The following PVT1 variants were observed in gnomAD, a reference collection of about 807,000 sequenced individuals.
PVT1 encodes CXCR4/PVT1 fusion.
intron 4 of PVT1, among the ~76,000 whole-genome samples, chr8:128,052,800 T>A (rs913370183): frequency 5.3e-5 from 8 of 152,214 alleles, no homozygotes; most frequent in African/African-American, 1.9e-4. Context: ...ACCAAATTAT[T>A]TTATCCTCAT....
intron 3 of PVT1, among the ~76,000 whole-genome samples, chr8:127,971,969 C>T (rs1816768740): frequency 6.6e-6 from 1 of 152,228 alleles, no homozygotes; most frequent in Non-Finnish European, 1.5e-5. Flanking sequence ...GCAAGCCCCT[C>T]CTCTACTCAG....
intron 2 of PVT1, among the ~76,000 whole-genome samples, chr8:127,868,497 C>T (rs1473814510): frequency 6.6e-6 from 1 of 151,890 alleles, no homozygotes; most frequent in Non-Finnish European, 1.5e-5. Context: ...AAGCAATTTT[C>T]GTGCCTCGGC....
intron 4 of PVT1, among the ~76,000 whole-genome samples, chr8:128,055,038 TACA>T (rs1813747035): frequency 1.3e-5 from 2 of 152,168 alleles, no homozygotes; most frequent in Admixed American, 6.5e-5. Flanking sequence ...GGATTAAAAC[TACA>T]ACATCAAGGC....
At chr8:127,934,225 T>C (rs753422663) in intron 3 of PVT1, among the ~76,000 whole-genome samples, 9 of 152,340 alleles carry the variant, frequency 5.9e-5, no homozygotes, top group Middle Eastern at 3.4e-3. Flanking sequence ...TGCAGTTCTT[T>C]TTGGGGGAAG....
chr8:127,832,953 C>CA (rs1035785067), intron 2 of PVT1, among the ~76,000 whole-genome samples: 17 of 152,110 alleles, frequency 1.1e-4, no homozygotes, highest in Admixed American at 9.8e-4. Context: ...ATCTGATATT[C>CA]ATGGAGTTAT....
chr8:128,006,042 G>T (rs1192858682), intron 4 of PVT1, among the ~76,000 whole-genome samples: 1 of 151,372 alleles, frequency 6.6e-6, no homozygotes, highest in East Asian at 1.9e-4. Flanking sequence ...GGCAGAGGTT[G>T]CAGTGAGCTG....
intron 5 of PVT1, among the ~76,000 whole-genome samples, chr8:128,089,472 C>T (rs1814321097): frequency 6.6e-6 from 1 of 152,100 alleles, no homozygotes; most frequent in South Asian, 2.1e-4. Flanking sequence ...CTGTCATGAC[C>T]ATCACCCCCA....
chr8:127,821,143 A>G (rs1814723476), intron 2 of PVT1, among the ~76,000 whole-genome samples: 1 of 152,190 alleles, frequency 6.6e-6, no homozygotes, highest in South Asian at 2.1e-4. Flanking sequence ...ACTCAATCTG[A>G]TGGTGAAAGA....
intron 4 of PVT1, among the ~76,000 whole-genome samples, chr8:128,037,103 T>G (rs1563671972): frequency 6.6e-6 from 1 of 151,598 alleles, no homozygotes; most frequent in African/African-American, 2.4e-5. Context: ...AGATGGAAGC[T>G]CCCCCAGGCA....
At chr8:127,803,600 A>T (rs1013761214) in intron 2 of PVT1, 1 of 152,272 alleles carries the variant, frequency 6.6e-6, no homozygotes, top group African/African-American at 2.4e-5. Flanking sequence ...TGGAAGAAGG[A>T]AATATGGGCC....
chr8:127,975,389 TC>T (rs1816812799), intron 3 of PVT1, among the ~76,000 whole-genome samples: 2 of 152,224 alleles, frequency 1.3e-5, no homozygotes, highest in African/African-American at 4.8e-5. Flanking sequence ...TATTTTTTTA[TC>T]CTTAGTGAGG....
chr8:127,933,487 C>G (rs1406373229), intron 3 of PVT1, among the ~76,000 whole-genome samples: 1 of 152,164 alleles, frequency 6.6e-6, no homozygotes, highest in Non-Finnish European at 1.5e-5. Flanking sequence ...AGGCACAAAC[C>G]TGCGGGTATA....
At position 127,932,487 on chromosome 8, in the gene PVT1, G is replaced by A. The variant is rs544584582; in HGVS notation, n.782+41489G>A. The A allele has an allele frequency of 1.8e-5, 7 of 398,550 alleles. No individual in the cohort carries two copies. The Middle Eastern group carries it at 2.5e-3, about 143-fold the overall frequency. 24.7% of individuals were successfully genotyped at this position (398,550 alleles called of 1,614,324 possible). On this transcript the variant is annotated intron_variant and non_coding_transcript_variant, in intron 3 of 10. Transcript: ENST00000651587. The stretch of plus-strand genomic sequence containing the variant: ...CAGGACTTCGCAGGTGAGCAGTAAC[G>A]GAAATCAGCCCCGTTTATTCCTCCC...
At chr8:127,926,742 C>T (rs957161663) in intron 3 of PVT1, among the ~76,000 whole-genome samples, 13 of 152,202 alleles carry the variant, frequency 8.5e-5, no homozygotes, top group Admixed American at 3.3e-4. Flanking sequence ...AGACACTATC[C>T]GGCAACACGT....
Position 127,921,854 on chromosome 8 carries a change from GTTTTTTTTTTT to G in PVT1, n.782+30870_782+30880del, listed in dbSNP as rs71300279. Reference sequence around the variant, plus strand: ...AAAAAAATTATAATTTTTGGTTCATGTTTTTTTTTTTTTTTTTTTTTTTTGAGGCAGAGTCT... The same window carrying G: ...AAAAAAATTATAATTTTTGGTTCATGTTTTTTTTTTTTTGAGGCAGAGTCT... On this transcript the variant is annotated intron_variant and non_coding_transcript_variant, in intron 3 of 10. Transcript: ENST00000651587. 1.9e-3 allele frequency among the ~76,000 whole-genome samples: 136 copies of G among 71,940 alleles called. 2 individuals carry two copies. The highest frequency in any genetic ancestry group is 0.024 in the Middle Eastern group (1 of 42). The allele number at this position is 71,940 out of a possible 152,430, so 47.2% of individuals were successfully genotyped here.
intron 3 of PVT1, among the ~76,000 whole-genome samples, chr8:127,986,708 A>G (rs72720815): frequency 0.031 from 4,702 of 152,286 alleles, 115 homozygotes; most frequent in South Asian, 0.059. Context: ...AGGTGGGGCT[A>G]TGACCTTCTG....
At chr8:128,065,000 C>T (rs1041073158) in intron 4 of PVT1, among the ~76,000 whole-genome samples, 2 of 152,104 alleles carry the variant, frequency 1.3e-5, no homozygotes, top group Non-Finnish European at 2.9e-5. Flanking sequence ...TGGAAGGCCC[C>T]TTAGAAATGT....
intron 3 of PVT1, among the ~76,000 whole-genome samples, chr8:127,957,803 GCACA>G (rs201255631): frequency 6.6e-6 from 1 of 152,156 alleles, no homozygotes; most frequent in Non-Finnish European, 1.5e-5. Context: ...CCCTGAACAT[GCACA>G]CACACACAAG....
intron 4 of PVT1, among the ~76,000 whole-genome samples, chr8:128,045,679 T>C (rs1420006997): frequency 6.6e-6 from 1 of 152,216 alleles, no homozygotes; most frequent in East Asian, 1.9e-4. Flanking sequence ...CTTTCAAGTC[T>C]GTTAGCTCCT....
Sources: gnomAD v4.1 joint callset for allele counts (sites outside exome capture counted in the v4.1 genomes callset) on GRCh38, gnomAD v4.1.1 for gene constraint, MANE v1.5 for transcripts, NCBI Gene and HGNC (gene_info 2026-07-23, HGNC 2026-07-21) for gene names.